Variants in CDKAL1 observed in about 807,000 individuals in gnomAD.
CDKAL1 encodes CDKAL1 threonylcarbamoyladenosine tRNA methylthiotransferase.
A neutral mutation model predicts 68.2 loss-of-function variants in CDKAL1; 32 were observed. The ratio of observed to expected loss-of-function variants is 0.47; its 90% CI spans 0.35 to 0.63. CDKAL1 has a LOEUF of 0.63. Ranked by LOEUF, CDKAL1 falls within the 30% of genes least tolerant of loss-of-function variation. The pLI is 0.00. For missense variants in CDKAL1, 606 were observed against 696.7 expected (o/e 0.87, Z 1.47); for synonymous variants, 234 against 244.3 (o/e 0.96, Z 0.39).
At chr6:20,776,708 G>A (rs1775186805) in intron 7 of CDKAL1, among the ~76,000 whole-genome samples, 1 of 152,168 alleles carries the variant, frequency 6.6e-6, no homozygotes, top group Admixed American at 6.5e-5. Context: ...AGCTGCACAA[G>A]CAGTCAAAAG....
chr6:20,885,341 G>A (rs1446089915), intron 9 of CDKAL1, among the ~76,000 whole-genome samples: 1 of 152,136 alleles, frequency 6.6e-6, no homozygotes, highest in Admixed American at 6.5e-5. Flanking sequence ...CAATGGAATG[G>A]GACTGAATCC....
intron 10 of CDKAL1, among the ~76,000 whole-genome samples, chr6:20,977,936 A>C (rs1765920691): frequency 6.6e-6 from 1 of 152,164 alleles, no homozygotes; most frequent in Admixed American, 6.5e-5. Flanking sequence ...TTTTGTTAAT[A>C]TCTAATTAAT....
At chr6:20,999,965 A>G (rs974881475) in intron 10 of CDKAL1, among the ~76,000 whole-genome samples, 1 of 152,196 alleles carries the variant, frequency 6.6e-6, no homozygotes, top group Admixed American at 6.5e-5. Context: ...TTTAGGCATT[A>G]TGTGACTTTA....
At chr6:20,592,412 A>C (rs1330676525) in intron 4 of CDKAL1, among the ~76,000 whole-genome samples, 1 of 149,304 alleles carries the variant, frequency 6.7e-6, no homozygotes, top group Non-Finnish European at 1.5e-5. Flanking sequence ...GTTGAATAGG[A>C]GTGGTGAGAG....
chr6:20,638,615 CTT>C (rs66721753), intron 4 of CDKAL1, among the ~76,000 whole-genome samples: 218 of 129,948 alleles, frequency 1.7e-3, no homozygotes, highest in Admixed American at 1.4e-3. Context: ...ATTAGAGATT[CTT>C]TTTTTTTTTT....
chr6:20,644,596 C>T (rs559968651), intron 4 of CDKAL1, among the ~76,000 whole-genome samples: 4 of 152,234 alleles, frequency 2.6e-5, no homozygotes, highest in East Asian at 1.9e-4. Flanking sequence ...AGGAGAATGG[C>T]GTGAACCCGG....
chr6:21,056,395 A>G (rs1224933650), intron 11 of CDKAL1, among the ~76,000 whole-genome samples: 1 of 152,056 alleles, frequency 6.6e-6, no homozygotes, highest in Non-Finnish European at 1.5e-5. Flanking sequence ...CTTTGCTGAA[A>G]TTGTTTATTG....
intron 7 of CDKAL1, among the ~76,000 whole-genome samples, chr6:20,776,473 G>A (rs530102964): frequency 6.6e-6 from 1 of 152,156 alleles, no homozygotes; most frequent in East Asian, 1.9e-4. Context: ...ATGACTGATG[G>A]TGTTATTACT....
chr6:20,917,417 GC>G (rs1408504994), intron 9 of CDKAL1, among the ~76,000 whole-genome samples: 15 of 152,168 alleles, frequency 9.9e-5, no homozygotes, highest in Admixed American at 7.9e-4. Flanking sequence ...CTTAGTGATA[GC>G]CTTTTTGTAT....
intron 9 of CDKAL1, among the ~76,000 whole-genome samples, chr6:20,938,260 A>G (rs533513409): frequency 1.3e-5 from 2 of 151,916 alleles, no homozygotes; most frequent in Non-Finnish European, 2.9e-5. Flanking sequence ...TTTTTTTAGT[A>G]CTTTCTTACT....
At chr6:20,914,041 G>A (rs1762603986) in intron 9 of CDKAL1, among the ~76,000 whole-genome samples, 1 of 152,102 alleles carries the variant, frequency 6.6e-6, no homozygotes, top group Non-Finnish European at 1.5e-5. Context: ...TGTGATCCCA[G>A]CACTTTGGGA....
rs907188793 is a variant in CDKAL1 at position 21,232,117 on chromosome 6, C to G, written c.*1078C>G. 3.3e-5 allele frequency: 5 copies of G among 151,680 alleles called. No homozygotes were observed. Among genetic ancestry groups the G allele is most frequent in the African/African-American group, 1.2e-4 (5 of 41,278 alleles). The allele number at this position is 151,680 out of a possible 1,614,324, so 9.4% of individuals were successfully genotyped here. On this transcript the variant is annotated 3_prime_UTR_variant, in exon 16 of 16. Coordinates refer to ENST00000274695, the MANE Select transcript of CDKAL1 (RefSeq NM_017774.3). Reference sequence around the variant, plus strand: ...GACCTCCTGGACTCAAGCAGTCCTCCTACCTCAGCCTCCCTAATAGCCAGG... The same window carrying G: ...GACCTCCTGGACTCAAGCAGTCCTCGTACCTCAGCCTCCCTAATAGCCAGG...
intron 9 of CDKAL1, among the ~76,000 whole-genome samples, chr6:20,943,341 A>AG (rs1764079603): frequency 4.2e-5 from 3 of 72,034 alleles, no homozygotes; most frequent in Non-Finnish European, 8.2e-5. Flanking sequence ...AAAAAAAAAA[A>AG]AAAGAAAAAG....
intron 8 of CDKAL1, among the ~76,000 whole-genome samples, chr6:20,822,297 A>G (rs1357181439): frequency 2.6e-5 from 4 of 152,216 alleles, no homozygotes; most frequent in African/African-American, 9.6e-5. Context: ...GTTGGTTATG[A>G]ATTAATATAG....
intron 4 of CDKAL1, among the ~76,000 whole-genome samples, chr6:20,639,496 T>C (rs1768066405): frequency 1.3e-5 from 2 of 152,166 alleles, no homozygotes; most frequent in African/African-American, 4.8e-5. Flanking sequence ...CTCCCAGCGC[T>C]CCAACCCTAG....
chr6:20,657,329 A>T (rs1769071816), intron 5 of CDKAL1, among the ~76,000 whole-genome samples: 1 of 152,130 alleles, frequency 6.6e-6, no homozygotes, highest in African/African-American at 2.4e-5. Context: ...CTTCTGTTGC[A>T]CCCAATCCTT....
intron 5 of CDKAL1, among the ~76,000 whole-genome samples, chr6:20,675,309 A>T (rs1219978001): frequency 2.0e-5 from 3 of 152,186 alleles, no homozygotes; most frequent in Non-Finnish European, 2.9e-5. Context: ...TTCCCTGAGA[A>T]CACATCTGGT....
intron 11 of CDKAL1, among the ~76,000 whole-genome samples, chr6:21,036,449 C>T (rs948219905): frequency 1.3e-4 from 20 of 152,024 alleles, no homozygotes; most frequent in African/African-American, 4.6e-4. Context: ...CTGTTTCTGA[C>T]AAAAATTTGT....
chr6:20,760,894 A>G (rs1162762848), intron 7 of CDKAL1, among the ~76,000 whole-genome samples: 1 of 152,226 alleles, frequency 6.6e-6, no homozygotes, highest in Non-Finnish European at 1.5e-5. Flanking sequence ...TATGAAAGAA[A>G]TAATTGCCAA....
Sources: gnomAD v4.1 joint callset for allele counts (sites outside exome capture counted in the v4.1 genomes callset) on GRCh38, gnomAD v4.1.1 for gene constraint, MANE v1.5 for transcripts, NCBI Gene and HGNC (gene_info 2026-07-23, HGNC 2026-07-21) for gene names.